The following FAT1 variants were observed in gnomAD, a reference collection of about 807,000 sequenced individuals.
The protein encoded by FAT1 is protocadherin Fat 1.
In FAT1, 171 loss-of-function variants were observed where a neutral mutation model predicts 329.8. That is an observed-to-expected ratio of 0.52 (90% CI 0.46 to 0.59). The LOEUF (loss-of-function observed/expected upper bound fraction) is 0.59. Ranked by LOEUF, FAT1 falls within the 20% of genes least tolerant of loss-of-function variation. FAT1 has a pLI of 0.00. For synonymous variants in FAT1, 2,233 were observed against 2,228.6 expected (o/e 1.00, Z -0.06); for missense variants, 5,672 against 5,774.4 (o/e 0.98, Z 0.57).
rs573842453 is a variant in FAT1, at chr4:186,684,274, A to C, written c.3266-20661T>G. ...TGTTTAATCGTCTCATCTAGACTGA[A>C]TCTCCTCTCCAATTATAACTATATC... On this transcript the variant is annotated intron_variant, in intron 2 of 26. Coordinates refer to ENST00000441802, the MANE Select transcript of FAT1 (RefSeq NM_005245.4). Among the ~76,000 whole-genome samples, 51 of 152,302 alleles carry C rather than the reference A, an allele frequency of 3.3e-4. No homozygotes were observed. The South Asian group carries it at 0.01, about 31-fold the overall frequency.
rs2126523068 is a variant in FAT1 at position 186,621,199 on chromosome 4, G to A, written c.5387C>T (p.Ala1796Val). 6.2e-7 allele frequency: 1 copy of A among 1,613,986 alleles called. No individual in the cohort carries two copies. Among genetic ancestry groups the A allele is most frequent in the South Asian group, 1.1e-5 (1 of 91,066 alleles). ...TDRNVPLVIR[A>V]ADADKDSNAL... is the part of the protein sequence containing the mutation. The stretch of plus-strand genomic sequence containing the variant: ...ATTTGAGTCTTTATCAGCATCAGCT[G>A]CTCGAATCACCAGTGGGACATTCCT... The change falls in exon 10 of 27, where the codon GCA becomes GTA. Residue 1796 changes from alanine (A) to valine (V), a missense_variant. Coordinates refer to ENST00000441802, the MANE Select transcript of FAT1 (RefSeq NM_005245.4).
chr4:186,611,381 G>C lies in FAT1; in HGVS notation c.9853+5C>G, dbSNP rs1370535095. On this transcript the variant is annotated splice_donor_5th_base_variant and intron_variant, in intron 14 of 26. Coordinates refer to ENST00000441802, the MANE Select transcript of FAT1 (RefSeq NM_005245.4). ...GGGTTTCCTCTCAGATACATGGTAG[G>C]TTACCTGTTTTAGAATCTATGCTGA... is the stretch of plus-strand genomic sequence containing the variant. 1 of 1,600,104 alleles carries C rather than the reference G, an allele frequency of 6.2e-7. No homozygotes were observed. The highest frequency in any genetic ancestry group is 8.5e-7 in the Non-Finnish European group (1 of 1,172,560).
intron 6 of FAT1, 67 bp from the exon 7 acceptor site, chr4:186,633,890 T>C: frequency 1.3e-6 from 2 of 1,564,990 alleles, no homozygotes; most frequent in Non-Finnish European, 8.8e-7. Flanking sequence ...TCTGTGGCTT[T>C]CTCATACTTA....
rs772835024 is a variant in FAT1 at position 186,606,144 on chromosome 4, C to T, written c.10276G>A (p.Val3426Met). The change falls in exon 17 of 27, where the codon GTG becomes ATG. Residue 3426 changes from valine to methionine, a missense_variant. Physicochemically the swap from Val to Met is conservative, Grantham distance 21. Coordinates refer to ENST00000441802, the MANE Select transcript of FAT1 (RefSeq NM_005245.4). Reference sequence around the variant, plus strand: ...TTGACATCGGACACATCGATGTTCACGGTCGTCGTGTTGACTCTGGGTGGA... The same window carrying T: ...TTGACATCGGACACATCGATGTTCATGGTCGTCGTGTTGACTCTGGGTGGA... The part of the protein sequence containing the change: ...GSPPRVNTTT[V>M]NIDVSDVNDN... The T allele has an allele frequency of 3.7e-6, 6 of 1,613,262 alleles. No individual in the cohort carries two copies. Among genetic ancestry groups the T allele is most frequent in the South Asian group, 2.2e-5 (2 of 90,940 alleles).
At chr4:186,661,752 G>A (rs972999205) in intron 3 of FAT1, among the ~76,000 whole-genome samples, 2 of 152,152 alleles carry the variant, frequency 1.3e-5, no homozygotes, top group African/African-American at 4.8e-5. Flanking sequence ...GAGAGGTCAT[G>A]GGAACCGTCA....
Position 186,619,210 on chromosome 4 carries a change from G to C in FAT1, c.7376C>G (p.Pro2459Arg), listed in dbSNP as rs2126503264. ...LSNLHRHALKPFYSLNLSVSD... is the reference protein window; with the variant it reads ...LSNLHRHALKRFYSLNLSVSD... ...CACTGACAGGTTAAGACTGTAAAAT[G>C]GCTTCAGGGCGTGCCGGTGCAGGTT... Residue 2459 changes from proline (P) to arginine (R), a missense_variant, in exon 10 of 27, where the codon CCA (proline) becomes CGA (arginine). Physicochemically the swap from Pro to Arg is moderately radical, Grantham distance 103. This residue lies in a region of FAT1 where 3,966 missense variants were observed against 3,915.2 expected (regional missense o/e 1.01). Coordinates refer to ENST00000441802, the MANE Select transcript of FAT1 (RefSeq NM_005245.4). 1.2e-6 allele frequency: 2 copies of C among 1,613,962 alleles called. No individual in the cohort carries two copies. The highest frequency in any genetic ancestry group is 4.5e-5 in the East Asian group (2 of 44,878).
At chr4:186,669,624 C>T (rs371875570) in intron 2 of FAT1, among the ~76,000 whole-genome samples, 3 of 152,276 alleles carry the variant, frequency 2.0e-5, no homozygotes, top group Non-Finnish European at 2.9e-5. Context: ...GATTTCAAAA[C>T]CACCACCAGA....
At position 186,645,409 on chromosome 4, in the gene FAT1, ATATATATATATAT is replaced by A. The variant is rs551152630; in HGVS notation, c.3581-5639_3581-5627del. Among the ~76,000 whole-genome samples the A allele has an allele frequency of 6.0e-3, 568 of 93,972 alleles. 21 individuals carry two copies. The highest frequency in any genetic ancestry group is 0.023 in the African/African-American group (548 of 23,772). 61.6% of individuals were successfully genotyped at this position (93,972 alleles called of 152,430 possible). A position where few individuals can be genotyped will look rare whatever the true frequency, so the allele number is the denominator to read the frequency against. On this transcript the variant is annotated intron_variant, in intron 3 of 26. Transcript: ENST00000441802. Reference sequence around the variant, plus strand: ...TATATATATATATATATATATATATATATATATATATATGCCTGTAAAAAACTGAGATATATCC... The same window carrying A: ...TATATATATATATATATATATATATAGCCTGTAAAAAACTGAGATATATCC...
At chr4:186,611,014 T>C (rs949636215) in intron 14 of FAT1, among the ~76,000 whole-genome samples, 2 of 152,126 alleles carry the variant, frequency 1.3e-5, no homozygotes, top group Non-Finnish European at 2.9e-5. Flanking sequence ...AATTACTATT[T>C]CACTTGGGAA....
intron 3 of FAT1, among the ~76,000 whole-genome samples, chr4:186,650,882 A>C (rs1741606167): frequency 6.6e-6 from 1 of 152,100 alleles, no homozygotes; most frequent in Admixed American, 6.6e-5. Context: ...GAGTTAGGTA[A>C]GCTACCAAAG....
intron 11 of FAT1, among the ~76,000 whole-genome samples, chr4:186,616,055 G>A (rs868557775): frequency 3.3e-5 from 5 of 152,144 alleles, no homozygotes; most frequent in South Asian, 4.2e-4. Flanking sequence ...CTGGCTGGCT[G>A]TCACACCAGA....
At chr4:186,622,234 T>C (rs143341835) in intron 9 of FAT1, among the ~76,000 whole-genome samples, 42 of 152,374 alleles carry the variant, frequency 2.8e-4, no homozygotes, top group African/African-American at 9.9e-4. Flanking sequence ...GAAATTGACA[T>C]CAAGCTTCAA....
At chr4:186,605,412 T>G (rs1489974103) in intron 17 of FAT1, among the ~76,000 whole-genome samples, 10 of 47,002 alleles carry the variant, frequency 2.1e-4, no homozygotes, top group East Asian at 6.4e-4. Flanking sequence ...GGGGAGGAAG[T>G]GGAGTAGGGA....
intron 2 of FAT1, among the ~76,000 whole-genome samples, chr4:186,696,723 C>T (rs528135450): frequency 5.9e-5 from 9 of 152,304 alleles, no homozygotes; most frequent in Non-Finnish European, 4.4e-5. Context: ...ACGGCAAGTC[C>T]ATTTAAATAA....
In FAT1 at chr4:186,695,344, A is replaced by G. The variant is rs10006872; in HGVS notation, c.3265+11219T>C. On this transcript the variant is annotated intron_variant, in intron 2 of 26. Coordinates refer to ENST00000441802, the MANE Select transcript of FAT1 (RefSeq NM_005245.4). ...GCCAGCCTCAGAATCTAGATACTCA[A>G]TCTCACAAAGGAGGCTGCTCCTAGG... Among the ~76,000 whole-genome samples, 212 of 152,326 alleles carry G rather than the reference A, an allele frequency of 1.4e-3. 1 individual carries two copies. The highest frequency in any genetic ancestry group is 4.8e-3 in the African/African-American group (200 of 41,580).
At chr4:186,610,197 G>A in intron 14 of FAT1, 182 bp from the exon 15 acceptor site, 3 of 559,154 alleles carry the variant, frequency 5.4e-6, no homozygotes, top group Non-Finnish European at 9.5e-6. Context: ...GCCCATCCCT[G>A]GATCTTTATT....
At position 186,706,754 on chromosome 4, in the gene FAT1, A is replaced by T. The variant is rs2126682928; in HGVS notation, c.3074T>A (p.Val1025Glu). The change falls in exon 2 of 27, where the codon GTG becomes GAG. Residue 1025 changes from valine (V) to glutamate (E), a missense_variant. Coordinates refer to ENST00000441802, the MANE Select transcript of FAT1 (RefSeq NM_005245.4). ...CACGGGTGGGTGCAGGTTCTCATTC[A>T]CATCAACCACCTCAACTTCAACATA... ...TCYVEVEVVD[V>E]NENLHPPVFS... 6.2e-7 allele frequency: 1 copy of T among 1,613,950 alleles called. No homozygotes were observed. Among genetic ancestry groups the T allele is most frequent in the South Asian group, 1.1e-5 (1 of 91,074 alleles).
chr4:186,706,364 T>G (rs1035640503), intron 2 of FAT1, among the ~76,000 whole-genome samples, 199 bp downstream of exon 2: 6 of 152,148 alleles, frequency 3.9e-5, no homozygotes, highest in Admixed American at 6.5e-5. Flanking sequence ...TCAGGCCCTT[T>G]TGTTTCCATC....
intron 2 of FAT1, among the ~76,000 whole-genome samples, chr4:186,690,850 T>C (rs974027344): frequency 1.3e-5 from 2 of 152,192 alleles, no homozygotes; most frequent in African/African-American, 4.8e-5. Flanking sequence ...AAAGACTTCA[T>C]AGGAAAAAAT....
Sources: gnomAD v4.1 joint callset for allele counts (sites outside exome capture counted in the v4.1 genomes callset) on GRCh38, gnomAD v4.1.1 for gene constraint, gnomAD v4.1.1 regional missense constraint, MANE v1.5 for transcripts, NCBI Gene and HGNC (gene_info 2026-07-23, HGNC 2026-07-21) for gene names.